LRBA: variants seen among roughly 807,000 people sequenced by gnomAD.
LRBA encodes lipopolysaccharide-responsive and beige-like anchor protein.
Under a neutral mutation model 330.0 loss-of-function variants are expected in LRBA, and 176 were observed. That is an observed-to-expected ratio of 0.53 (90% CI 0.47 to 0.60). LRBA has a LOEUF of 0.60. LRBA is among the 20% of genes least tolerant of loss of function. The pLI is 0.00. For missense variants in LRBA, 3,259 were observed against 3,444.8 expected, an observed-to-expected ratio of 0.95 and a Z score of 1.35; for synonymous variants, 1,230 against 1,193.0, an observed-to-expected ratio of 1.03 and a Z score of -0.64.
intron 47 of LRBA, among the ~76,000 whole-genome samples, chr4:150,372,881 G>A (rs1740610099): frequency 6.6e-6 from 1 of 151,412 alleles, no homozygotes. Flanking sequence ...AGAGGTGACA[G>A]TGGGAGTTCG....
chr4:150,628,138 GA>G (rs1305364541), intron 37 of LRBA, among the ~76,000 whole-genome samples: 15 of 151,894 alleles, frequency 9.9e-5, no homozygotes, highest in African/African-American at 3.4e-4. Context: ...TATGCTCAAG[GA>G]AAAAAATTAA....
At chr4:150,837,035 C>A (rs1437713371) in intron 28 of LRBA, among the ~76,000 whole-genome samples, 1 of 152,106 alleles carries the variant, frequency 6.6e-6, no homozygotes, top group African/African-American at 2.4e-5. Flanking sequence ...TTTATTTCTG[C>A]CTTCATTTTG....
In LRBA at chr4:150,916,458, T is replaced by A; in HGVS notation, c.837A>T (p.Ile279=). ...GTTGAAAGCCTTTTCCTTTTGACTT[T>A]ATTGATGTTACAATCAAACAGCCTC... ...FVGGCLIVTS[I]KSKGKGFQHC... The change falls in exon 7 of 57, where the codon ATA becomes ATT. Residue 279 remains isoleucine, a synonymous_variant. Coordinates refer to ENST00000651943, the MANE Select transcript of LRBA (RefSeq NM_001364905.1). 1 of 1,613,828 alleles carries A rather than the reference T, an allele frequency of 6.2e-7. No individual in the cohort carries two copies. Among genetic ancestry groups the A allele is most frequent in the Non-Finnish European group, 8.5e-7 (1 of 1,179,826 alleles).
At chr4:150,639,759 A>G (rs201027071) in intron 37 of LRBA, among the ~76,000 whole-genome samples, 6,657 of 11,262 alleles carry the variant, frequency 0.59, 2,039 homozygotes, top group East Asian at 0.68. Flanking sequence ...ATATATATAT[A>G]TATATATATA....
chr4:150,452,399 G>A (rs566681892), intron 44 of LRBA, among the ~76,000 whole-genome samples: 31 of 151,994 alleles, frequency 2.0e-4, no homozygotes, highest in Non-Finnish European at 1.6e-4. Context: ...CGAGGCAGGC[G>A]GATCACAAGG....
chr4:150,607,961 G>A (rs919641255), intron 37 of LRBA, among the ~76,000 whole-genome samples: 1 of 152,186 alleles, frequency 6.6e-6, no homozygotes, highest in South Asian at 2.1e-4. Flanking sequence ...CTTGAACCTG[G>A]GAGGCAGAAG....
chr4:150,680,285 G>A (rs188031596), intron 37 of LRBA, among the ~76,000 whole-genome samples: 61 of 152,280 alleles, frequency 4.0e-4, no homozygotes, highest in African/African-American at 1.4e-3. Context: ...AAAGGGCACA[G>A]TTATCAGAGC....
chr4:150,397,976 A>G (rs1208166641), intron 47 of LRBA, among the ~76,000 whole-genome samples: 1 of 152,230 alleles, frequency 6.6e-6, no homozygotes, highest in Admixed American at 6.5e-5. Flanking sequence ...ACAAAGCGAA[A>G]TATAAATTTT....
intron 2 of LRBA, among the ~76,000 whole-genome samples, chr4:151,006,267 C>T (rs1744064202): frequency 6.6e-6 from 1 of 151,918 alleles, no homozygotes. Flanking sequence ...CGGAGGCTGC[C>T]GTGAGCTGAG....
intron 40 of LRBA, among the ~76,000 whole-genome samples, chr4:150,498,331 T>C (rs1176256747): frequency 6.6e-6 from 1 of 152,222 alleles, no homozygotes; most frequent in Non-Finnish European, 1.5e-5. Context: ...TTCTAAATGA[T>C]GCATCTTAAA....
chr4:150,974,550 A>T (rs1332584954), intron 2 of LRBA, among the ~76,000 whole-genome samples: 1 of 152,224 alleles, frequency 6.6e-6, no homozygotes, highest in Non-Finnish European at 1.5e-5. Context: ...ACAACTAAAC[A>T]AGGACTAGAA....
chr4:150,930,279 C>T (rs1272684025), intron 2 of LRBA, among the ~76,000 whole-genome samples: 1 of 149,582 alleles, frequency 6.7e-6, no homozygotes, highest in African/African-American at 2.5e-5. Flanking sequence ...TGTGCCACTG[C>T]ACTGTAGCCT....
intron 2 of LRBA, among the ~76,000 whole-genome samples, chr4:150,939,408 T>C (rs1458703440): frequency 6.6e-6 from 1 of 152,158 alleles, no homozygotes; most frequent in East Asian, 1.9e-4. Flanking sequence ...TACTTCTATA[T>C]GCCAAAGAAT....
At chr4:150,862,065 CT>C in intron 22 of LRBA, among the ~76,000 whole-genome samples, 1 of 152,040 alleles carries the variant, frequency 6.6e-6, no homozygotes, top group Non-Finnish European at 1.5e-5. Flanking sequence ...AATAGGAACA[CT>C]TTTACACTGT....
rs954234719 is a variant in LRBA at position 150,916,266 on chromosome 4, T to C, written c.894+135A>G. 11 of 821,182 alleles carry C rather than the reference T, an allele frequency of 1.3e-5. No individual in the cohort carries two copies. The East Asian group carries it at 2.8e-4, about 21-fold the overall frequency. 50.9% of individuals were successfully genotyped at this position (821,182 alleles called of 1,614,324 possible). ...ATCAGAGAGGTCAATTATTCAGTGATTTACGCTTCATCTTTTTAAACAGTA... is the reference window on the plus strand; with the variant it reads ...ATCAGAGAGGTCAATTATTCAGTGACTTACGCTTCATCTTTTTAAACAGTA... On this transcript the variant is annotated intron_variant, in intron 7 of 56. Coordinates refer to ENST00000651943, the MANE Select transcript of LRBA (RefSeq NM_001364905.1).
At chr4:150,482,997 C>G (rs768853591) in intron 42 of LRBA, among the ~76,000 whole-genome samples, 5 of 151,930 alleles carry the variant, frequency 3.3e-5, no homozygotes. Context: ...GTTGGCATTT[C>G]AAAGCAAATG....
Position 150,844,185 on chromosome 4 carries a change from C to T in LRBA, c.4484G>A (p.Gly1495Asp). 2 of 1,606,424 alleles carry T rather than the reference C, an allele frequency of 1.2e-6. No homozygotes were observed. The highest frequency in any genetic ancestry group is 1.7e-6 in the Non-Finnish European group (2 of 1,174,416). ...AAKSPVDIVT[G>D]GISPVRDLDR... ...AAGATCTCTTACTGGAGATATACCG[C>T]CAGTCACAATGTCCACTGGGCTCTA... Residue 1495 changes from glycine (G) to aspartate (D), a missense_variant, in exon 28 of 57, where the codon GGC becomes GAC. Coordinates refer to ENST00000651943, the MANE Select transcript of LRBA (RefSeq NM_001364905.1).
At chr4:150,625,937 T>A (rs1486815998) in intron 37 of LRBA, among the ~76,000 whole-genome samples, 1 of 151,840 alleles carries the variant, frequency 6.6e-6, no homozygotes, top group African/African-American at 2.4e-5. Context: ...CTTGAACTCC[T>A]GACCTCAGCC....
intron 40 of LRBA, among the ~76,000 whole-genome samples, chr4:150,557,380 A>C (rs1402630111): frequency 6.6e-6 from 1 of 152,092 alleles, no homozygotes; most frequent in Non-Finnish European, 1.5e-5. Flanking sequence ...AGAAGACGCG[A>C]TATGGGAAAA....
Sources: allele counts gnomAD v4.1 joint callset (sites outside exome capture counted in the v4.1 genomes callset), GRCh38; gene constraint gnomAD v4.1.1; transcripts MANE v1.5; gene names NCBI Gene and HGNC (gene_info 2026-07-23, HGNC 2026-07-21).